RAD51B: variants seen among roughly 807,000 people sequenced by gnomAD.
The protein encoded by RAD51B is DNA repair protein RAD51 homolog 2.
RAD51B carries 38 observed loss-of-function variants against 42.2 expected under a neutral mutation model. That is an observed-to-expected ratio of 0.90 (90% CI 0.70 to 1.18). The LOEUF (loss-of-function observed/expected upper bound fraction) is 1.18. Ranked by LOEUF, RAD51B falls within the 50% of genes most tolerant of loss-of-function variation. RAD51B has a pLI of 0.00. For synonymous variants in RAD51B, 154 were observed against 145.2 expected, an observed-to-expected ratio of 1.06 and a Z score of -0.43; for missense variants, 373 against 400.7, an observed-to-expected ratio of 0.93 and a Z score of 0.59.
At chr14:68,470,253 G>A (rs2086087795) in intron 10 of RAD51B, among the ~76,000 whole-genome samples, 1 of 152,086 alleles carries the variant, frequency 6.6e-6, no homozygotes, top group Non-Finnish European at 1.5e-5. Context: ...TTTCTAAGTT[G>A]TTTTCTCTAT....
chr14:68,600,714 C>T (rs1038662612), downstream of RAD51B, among the ~76,000 whole-genome samples: 9 of 152,286 alleles, frequency 5.9e-5, no homozygotes, highest in African/African-American at 1.9e-4. Context: ...TTATAAAGGC[C>T]TTTGTCCAGA....
intron 7 of RAD51B, among the ~76,000 whole-genome samples, chr14:68,228,048 T>C (rs1595576254): frequency 6.6e-6 from 1 of 152,330 alleles, no homozygotes; most frequent in East Asian, 1.9e-4. Flanking sequence ...GTAAGTTGTT[T>C]CATCCCCCTT....
chr14:68,005,045 GTTTTTTTTTTTTT>G (rs753867497), intron 7 of RAD51B, among the ~76,000 whole-genome samples: 2 of 79,504 alleles, frequency 2.5e-5, no homozygotes, highest in East Asian at 4.4e-4. Flanking sequence ...GTGTGTGTGT[GTTTTTTTTTTTTT>G]TTTTTTTTTT....
chr14:67,979,321 G>T (rs1285072423), intron 7 of RAD51B, among the ~76,000 whole-genome samples: 1 of 152,156 alleles, frequency 6.6e-6, no homozygotes, highest in Non-Finnish European at 1.5e-5. Flanking sequence ...AACATTTTAA[G>T]TGAAGAAATA....
At chr14:68,124,042 A>G (rs1032973677) in intron 7 of RAD51B, among the ~76,000 whole-genome samples, 2 of 152,182 alleles carry the variant, frequency 1.3e-5, no homozygotes, top group Non-Finnish European at 2.9e-5. Flanking sequence ...AGGATGTGCT[A>G]TTTAAATCAT....
At chr14:68,088,906 A>G (rs2140511380) in intron 7 of RAD51B, among the ~76,000 whole-genome samples, 1 of 152,136 alleles carries the variant, frequency 6.6e-6, no homozygotes. Flanking sequence ...AAAATGAAAT[A>G]CCTTCTTATG....
chr14:68,187,457 A>G (rs1229229060), intron 7 of RAD51B, among the ~76,000 whole-genome samples: 6 of 152,238 alleles, frequency 3.9e-5, no homozygotes, highest in African/African-American at 9.6e-5. Context: ...TGACACCCAC[A>G]TGGAAGTGCT....
At chr14:68,463,801 A>AT (rs950297802) in intron 9 of RAD51B, among the ~76,000 whole-genome samples, 1 of 151,954 alleles carries the variant, frequency 6.6e-6, no homozygotes, top group African/African-American at 2.4e-5. Context: ...CTTGTTTGTC[A>AT]TTTTTTCTTT....
At chr14:67,913,360 G>C (rs1294521074) in intron 7 of RAD51B, among the ~76,000 whole-genome samples, 1 of 152,192 alleles carries the variant, frequency 6.6e-6, no homozygotes, top group Non-Finnish European at 1.5e-5. Context: ...ATCTAGGGCA[G>C]TGGTCTTCAA....
At chr14:68,091,446 T>A (rs2077097754) in intron 7 of RAD51B, among the ~76,000 whole-genome samples, 1 of 152,256 alleles carries the variant, frequency 6.6e-6, no homozygotes, top group Admixed American at 6.5e-5. Context: ...ATTTCTCTGA[T>A]GGCCAATGAT....
intron 7 of RAD51B, among the ~76,000 whole-genome samples, chr14:68,235,996 C>T (rs996952091): frequency 2.0e-5 from 3 of 151,958 alleles, no homozygotes; most frequent in African/African-American, 7.3e-5. Flanking sequence ...TAAGTGAGAG[C>T]TAAACATTGA....
intron 8 of RAD51B, among the ~76,000 whole-genome samples, chr14:68,358,400 C>T (rs1380149565): frequency 1.3e-5 from 2 of 152,176 alleles, no homozygotes; most frequent in South Asian, 4.1e-4. Context: ...TGTTGATGAT[C>T]GATGGGTCCG....
intron 10 of RAD51B, chr14:68,545,465 C>G (rs1888174276): frequency 2.4e-6 from 1 of 420,530 alleles, no homozygotes; most frequent in South Asian, 1.7e-5. Flanking sequence ...GTGTGCCAGG[C>G]ATTTTTTTTC....
intron 4 of RAD51B, among the ~76,000 whole-genome samples, chr14:67,861,443 A>C (rs1488012372): frequency 1.3e-5 from 2 of 152,058 alleles, no homozygotes; most frequent in African/African-American, 4.8e-5. Context: ...GTTCAAGACC[A>C]GCCTGGGCAA....
At chr14:68,622,516 G>T (rs1891971784) in intron 10 of RAD51B, among the ~76,000 whole-genome samples, 1 of 152,076 alleles carries the variant, frequency 6.6e-6, no homozygotes, top group Admixed American at 6.6e-5. Flanking sequence ...CCTTTCTGAG[G>T]TGATGGCATT....
At chr14:68,344,839 CG>C (rs1348554424) in intron 8 of RAD51B, among the ~76,000 whole-genome samples, 1 of 143,718 alleles carries the variant, frequency 7.0e-6, no homozygotes, top group Non-Finnish European at 1.5e-5. Context: ...CCCAGCTACT[CG>C]GGAGGCTGAG....
chr14:68,518,742 G>A (rs938598633), intron 10 of RAD51B, among the ~76,000 whole-genome samples: 6 of 152,208 alleles, frequency 3.9e-5, no homozygotes, highest in African/African-American at 1.4e-4. Flanking sequence ...GGTTAGCAGC[G>A]TAGCTGAGGC....
intron 7 of RAD51B, among the ~76,000 whole-genome samples, chr14:68,143,921 T>C (rs988312293): frequency 6.6e-6 from 1 of 152,186 alleles, no homozygotes; most frequent in Admixed American, 6.5e-5. Flanking sequence ...GCTTTATTTT[T>C]TTCTCCCTCC....
chr14:67,838,255 G>A (rs908455339), intron 4 of RAD51B, among the ~76,000 whole-genome samples: 4 of 152,148 alleles, frequency 2.6e-5, no homozygotes, highest in Non-Finnish European at 5.9e-5. Context: ...AAAAATGGGA[G>A]CGTAGATTGA....
Sources: allele counts gnomAD v4.1 joint callset (sites outside exome capture counted in the v4.1 genomes callset), GRCh38; gene constraint gnomAD v4.1.1; transcripts MANE v1.5; gene names NCBI Gene and HGNC (gene_info 2026-07-23, HGNC 2026-07-21).